The following GRID2 variants were observed in gnomAD, a reference collection of about 807,000 sequenced individuals.
GRID2 encodes glutamate ionotropic receptor delta type subunit 2, also known as glutamate receptor ionotropic, delta-2.
A neutral mutation model predicts 114.8 loss-of-function variants in GRID2; 33 were observed. The observed-to-expected ratio is 0.29, with a 90% confidence interval of 0.22 to 0.38. GRID2 has a LOEUF of 0.38. GRID2 is among the 10% of genes least tolerant of loss of function. GRID2 has a pLI of 1.00. For missense variants in GRID2, 1,184 were observed against 1,257.7 expected (o/e 0.94, Z 0.89); for synonymous variants, 505 against 449.9 (o/e 1.12, Z -1.55).
At chr4:93,042,835 A>G (rs1358383215) in intron 2 of GRID2, among the ~76,000 whole-genome samples, 5 of 151,604 alleles carry the variant, frequency 3.3e-5, no homozygotes, top group Admixed American at 6.6e-5. Context: ...AGACCATACC[A>G]TAACTTTACT....
intron 1 of GRID2, among the ~76,000 whole-genome samples, chr4:92,319,505 C>T (rs1726193639): frequency 6.6e-6 from 1 of 152,200 alleles, no homozygotes; most frequent in Non-Finnish European, 1.5e-5. Context: ...TCAGGTCATT[C>T]AGGCCTTTGG....
At chr4:92,922,630 A>C (rs778370467) in intron 2 of GRID2, among the ~76,000 whole-genome samples, 2 of 152,238 alleles carry the variant, frequency 1.3e-5, no homozygotes, top group Non-Finnish European at 2.9e-5. Flanking sequence ...ACTATGTAAT[A>C]GTCCAAAATC....
intron 13 of GRID2, among the ~76,000 whole-genome samples, chr4:93,596,034 C>G (rs937523120): frequency 6.6e-6 from 1 of 152,124 alleles, no homozygotes; most frequent in African/African-American, 2.4e-5. Context: ...TTTGTTTATT[C>G]TACATCTGTG....
At chr4:92,477,089 GTGTGTGTGT>G in intron 1 of GRID2, among the ~76,000 whole-genome samples, 1 of 123,308 alleles carries the variant, frequency 8.1e-6, no homozygotes, top group African/African-American at 3.1e-5. Context: ...GTGTGTGTGT[GTGTGTGTGT>G]TTGCTTAGTA....
At chr4:92,998,454 TAC>T (rs1009419724) in intron 2 of GRID2, among the ~76,000 whole-genome samples, 3 of 152,048 alleles carry the variant, frequency 2.0e-5, no homozygotes, top group Non-Finnish European at 2.9e-5. Context: ...CTATTGGGAC[TAC>T]AGAGTTCTTG....
In GRID2 at chr4:93,515,235, A is replaced by G. The variant is rs1226122709; in HGVS notation, c.2017A>G (p.Lys673Glu). The change falls in exon 13 of 16, where the codon AAG becomes GAG. Residue 673 changes from lysine (K) to glutamate (E), a missense_variant. Around this residue, in one of 3 missense-constraint regions of GRID2, gnomAD observed 717 missense variants for 796.9 expected, o/e 0.90. Transcript: ENST00000282020. ...SSIQSLQDLS[K>E]QTEIPYGTVL... ...ATCAAGGTCTCTCCAGGACCTTTCC[A>G]AGCAAACAGAAATCCCTTATGGCAC... 6.3e-7 allele frequency: 1 copy of G among 1,596,052 alleles called. No individual in the cohort carries two copies. Among genetic ancestry groups the G allele is most frequent in the Admixed American group, 1.7e-5 (1 of 58,694 alleles).
At position 93,600,564 on chromosome 4, in the gene GRID2, G is replaced by A. The variant is rs1271557212; in HGVS notation, c.2194-25705G>A. Among the ~76,000 whole-genome samples, 3 of 151,832 alleles carry A rather than the reference G, an allele frequency of 2.0e-5. No individual in the cohort carries two copies. In the South Asian group the frequency reaches 6.2e-4, roughly 32 times the overall value. Reference sequence around the variant, plus strand: ...ATAGCTAGAATTAGAAAGACTAATAGCACCAAATATTGGCAAAAATGTGGA... The same window carrying A: ...ATAGCTAGAATTAGAAAGACTAATAACACCAAATATTGGCAAAAATGTGGA... On this transcript the variant is annotated intron_variant, in intron 13 of 15. Coordinates refer to ENST00000282020, the MANE Select transcript of GRID2 (RefSeq NM_001510.4).
intron 1 of GRID2, among the ~76,000 whole-genome samples, chr4:93,803,559 T>A (rs1004321444): frequency 2.6e-5 from 4 of 151,846 alleles, no homozygotes; most frequent in Non-Finnish European, 4.4e-5. Context: ...GTGTCTCTAC[T>A]AAAAATACAA....
At chr4:92,849,089 G>A (rs1296662062) in intron 2 of GRID2, among the ~76,000 whole-genome samples, 1 of 151,910 alleles carries the variant, frequency 6.6e-6, no homozygotes, top group Non-Finnish European at 1.5e-5. Flanking sequence ...AGGGCTATAA[G>A]TATCCTGTAT....
At chr4:92,796,946 A>G (rs75706486) in intron 2 of GRID2, among the ~76,000 whole-genome samples, 2,403 of 152,062 alleles carry the variant, frequency 0.016, 58 homozygotes, top group African/African-American at 0.054. Flanking sequence ...ATATTTTTCA[A>G]AAAGTGGAAG....
At chr4:92,858,597 G>A (rs375298968) in intron 2 of GRID2, among the ~76,000 whole-genome samples, 6 of 152,038 alleles carry the variant, frequency 3.9e-5, no homozygotes, top group South Asian at 2.1e-4. Context: ...TCACACTTTC[G>A]CCCAGGCTGG....
At position 93,179,685 on chromosome 4, in the gene GRID2, G is replaced by C. The variant is rs1739699979; in HGVS notation, c.736-27719G>C. ...AATTCAATATGGTAAGAACTATTAT[G>C]ATCCCTAACAGACTAGGAATTTGAA... On this transcript the variant is annotated intron_variant, in intron 4 of 15. Coordinates refer to ENST00000282020, the MANE Select transcript of GRID2 (RefSeq NM_001510.4). 2.0e-5 allele frequency among the ~76,000 whole-genome samples: 3 copies of C among 152,240 alleles called. No homozygotes were observed. The South Asian group carries it at 6.2e-4, about 32-fold the overall frequency.
Position 93,203,257 on chromosome 4 carries a change from T to C in GRID2, c.736-4147T>C, listed in dbSNP as rs566136167. On this transcript the variant is annotated intron_variant, in intron 4 of 15. Coordinates refer to ENST00000282020, the MANE Select transcript of GRID2 (RefSeq NM_001510.4). ...ACCTAGGGAAATTATAACCCTTGTT[T>C]AGTGAATATTTTCTCAGATAATAAA... 4.6e-5 allele frequency among the ~76,000 whole-genome samples: 7 copies of C among 152,308 alleles called. No individual in the cohort carries two copies. The South Asian group carries it at 1.4e-3, about 32-fold the overall frequency.
chr4:93,408,024 G>A (rs1296494712), intron 9 of GRID2, among the ~76,000 whole-genome samples: 1 of 152,038 alleles, frequency 6.6e-6, no homozygotes, highest in Non-Finnish European at 1.5e-5. Context: ...ATGGTGTTCT[G>A]AGCCAAATGT....
chr4:92,583,525 T>C (rs1466667463), intron 1 of GRID2, among the ~76,000 whole-genome samples: 1 of 151,956 alleles, frequency 6.6e-6, no homozygotes, highest in Non-Finnish European at 1.5e-5. Flanking sequence ...ATTTCATGCC[T>C]GCAAGGATAT....
chr4:92,812,873 C>T (rs369244719), intron 2 of GRID2, among the ~76,000 whole-genome samples: 15 of 152,098 alleles, frequency 9.9e-5, no homozygotes, highest in African/African-American at 3.1e-4. Flanking sequence ...AGGTGTCTGA[C>T]AGTTCAGTCT....
chr4:92,460,596 T>C (rs1401515551), intron 1 of GRID2, among the ~76,000 whole-genome samples: 2 of 152,184 alleles, frequency 1.3e-5, no homozygotes, highest in East Asian at 3.9e-4. Flanking sequence ...TTTTCCTTTC[T>C]GTCTTGCTCA....
chr4:92,899,771 T>G (rs73837369), intron 2 of GRID2, among the ~76,000 whole-genome samples: 177 of 152,324 alleles, frequency 1.2e-3, no homozygotes, highest in African/African-American at 4.1e-3. Flanking sequence ...AAAGGATATC[T>G]CTACTTTTGT....
chr4:93,497,842 G>C (rs913456678), intron 12 of GRID2, among the ~76,000 whole-genome samples: 2 of 151,784 alleles, frequency 1.3e-5, no homozygotes, highest in Admixed American at 1.3e-4. Context: ...ATAAATTATA[G>C]AATAATCTTG....
Sources: allele counts gnomAD v4.1 joint callset (sites outside exome capture counted in the v4.1 genomes callset), GRCh38; gene constraint gnomAD v4.1.1; regional missense constraint gnomAD v4.1.1; transcripts MANE v1.5; gene names NCBI Gene and HGNC (gene_info 2026-07-23, HGNC 2026-07-21).